CLTA: variants seen among roughly 807,000 people sequenced by gnomAD.
The protein encoded by CLTA is clathrin light chain A.
In CLTA, 9 loss-of-function variants were observed where a neutral mutation model predicts 26.9. The observed-to-expected ratio is 0.33, with a 90% CI of 0.20 to 0.58. CLTA has a LOEUF of 0.58. CLTA is among the 20% of genes least tolerant of loss of function. The pLI, the probability that CLTA is intolerant of heterozygous loss-of-function variation, is 0.85. For synonymous variants in CLTA, 120 were observed against 115.5 expected (o/e 1.04, Z -0.25); for missense variants, 278 against 294.2 (o/e 0.94, Z 0.40).
intron 3 of CLTA, among the ~76,000 whole-genome samples, chr9:36,203,112 C>T (rs1253824854): frequency 2.0e-5 from 3 of 152,196 alleles, no homozygotes; most frequent in Non-Finnish European, 2.9e-5. Context: ...GGATTACAGG[C>T]GTGAGCCACC....
intron 4 of CLTA, chr9:36,209,252 C>T (rs1563918300): frequency 6.2e-7 from 1 of 1,613,838 alleles, no homozygotes; most frequent in African/African-American, 1.3e-5. Context: ...GCCTTTTGGA[C>T]CTCTTGCTGT....
chr9:36,211,920 TC>T lies in CLTA; in HGVS notation c.*148del. ...TGTTCATTGTTTGTGATTGCATGTT[TC>T]CTTCCTTCAACTGTGTTCTCCCTGG... is the stretch of plus-strand genomic sequence containing the variant. On this transcript the variant is annotated 3_prime_UTR_variant, in exon 5 of 5. Transcript: ENST00000345519. The T allele has an allele frequency of 1.4e-6, 1 of 738,572 alleles. No individual in the cohort carries two copies. Among genetic ancestry groups the T allele is most frequent in the Non-Finnish European group, 2.3e-6 (1 of 441,536 alleles). The allele number at this position is 738,572 out of a possible 1,614,324, so 45.8% of individuals were successfully genotyped here. A position where few individuals can be genotyped will look rare whatever the true frequency, so the allele number is the denominator to read the frequency against.
At chr9:36,198,657 G>C (rs1442756581) in intron 2 of CLTA, among the ~76,000 whole-genome samples, 1 of 150,080 alleles carries the variant, frequency 6.7e-6, no homozygotes, top group Non-Finnish European at 1.5e-5. Flanking sequence ...CTCCAGTCTG[G>C]GTGACAGAGT....
rs1233539228 is a variant in CLTA at position 36,191,252 on chromosome 9, G to A, written c.196G>A (p.Gly66Ser). The A allele has an allele frequency of 6.5e-7, 1 of 1,530,868 alleles. No homozygotes were observed. 94.8% of individuals were successfully genotyped at this position (1,530,868 alleles called of 1,614,324 possible). Residue 66 changes from glycine (G) to serine (S), a missense_variant, in exon 1 of 5, where the codon GGC (glycine) becomes AGC (serine). By Grantham distance (56) the Gly-to-Ser change is moderately conservative. Transcript: ENST00000345519. ...CGGCGCCCCCGGGCCCCAGCCGCAC[G>A]GCGAGCCGCCGGGGGGTCCGGGTGA... The part of the protein sequence containing the change: ...DGGAPGPQPH[G>S]EPPGGPDAVD...
chr9:36,197,710 G>A, intron 2 of CLTA, 122 bp downstream of exon 2: 1 of 691,798 alleles, frequency 1.4e-6, no homozygotes, highest in Non-Finnish European at 2.5e-6. Context: ...ATTACTGGCT[G>A]GTGTGTTATC....
At chr9:36,190,894 G>T, upstream of CLTA, 1 of 1,284,380 alleles carries the variant, frequency 7.8e-7, no homozygotes, top group African/African-American at 1.6e-5. Context: ...ACACCGCCTA[G>T]ACCGACCGGA....
At chr9:36,191,335 C>A in intron 1 of CLTA, 62 bp downstream of exon 1, 1 of 1,437,448 alleles carries the variant, frequency 7.0e-7, no homozygotes, top group South Asian at 1.4e-5. Flanking sequence ...CACAGTGGGT[C>A]CGAGAGCTTC....
chr9:36,199,109 T>G lies in CLTA; in HGVS notation c.373+13T>G. On this transcript the variant is annotated intron_variant, in intron 3 of 4. Transcript: ENST00000345519. ...TTGGAAGCCCTTGGTAAGGAATCCCTTCTGTGTTTTGGTGTCTGTTTTCAG... is the reference window on the plus strand; with the variant it reads ...TTGGAAGCCCTTGGTAAGGAATCCCGTCTGTGTTTTGGTGTCTGTTTTCAG... 2 of 1,553,044 alleles carry G rather than the reference T, an allele frequency of 1.3e-6. No homozygotes were observed. Among genetic ancestry groups the G allele is most frequent in the African/African-American group, 2.7e-5 (2 of 73,744 alleles).
chr9:36,200,977 A>T (rs139000049), intron 3 of CLTA, among the ~76,000 whole-genome samples: 23 of 152,320 alleles, frequency 1.5e-4, no homozygotes, highest in African/African-American at 5.3e-4. Flanking sequence ...GTACTGCTGT[A>T]GTATTTTTCA....
chr9:36,192,759 C>G (rs1396057393), intron 1 of CLTA, among the ~76,000 whole-genome samples: 1 of 152,206 alleles, frequency 6.6e-6, no homozygotes, highest in Non-Finnish European at 1.5e-5. Context: ...AGCCCCAAGT[C>G]TACCCACTCT....
chr9:36,193,672 A>G (rs1826866671), intron 1 of CLTA, among the ~76,000 whole-genome samples: 1 of 152,216 alleles, frequency 6.6e-6, no homozygotes. Context: ...ACAGAGATAT[A>G]TAGGCAGTCA....
intron 1 of CLTA, among the ~76,000 whole-genome samples, chr9:36,196,007 G>A (rs1827007470): frequency 6.6e-6 from 1 of 151,942 alleles, no homozygotes; most frequent in African/African-American, 2.4e-5. Flanking sequence ...TGGGCGCAGT[G>A]GCTCATGCCT....
At chr9:36,209,140 G>C (rs1827894768) in intron 4 of CLTA, 1 of 1,156,068 alleles carries the variant, frequency 8.7e-7, no homozygotes, top group African/African-American at 1.5e-5. Flanking sequence ...GGGTTAGGAA[G>C]GAGCCTTGGG....
chr9:36,196,748 ACTT>A (rs577300158), intron 1 of CLTA, among the ~76,000 whole-genome samples: 1 of 152,320 alleles, frequency 6.6e-6, no homozygotes, highest in South Asian at 2.1e-4. Context: ...TATTTCCAAA[ACTT>A]TATAGAGTGC....
At chr9:36,210,504 C>T (rs1827979421) in intron 4 of CLTA, 1 of 1,532,512 alleles carries the variant, frequency 6.5e-7, no homozygotes, top group Non-Finnish European at 8.9e-7. Context: ...TGCACGTCCC[C>T]AAGCACAGAT....
chr9:36,199,304 C>T (rs1827259357), intron 3 of CLTA, among the ~76,000 whole-genome samples: 1 of 152,182 alleles, frequency 6.6e-6, no homozygotes, highest in South Asian at 2.1e-4. Context: ...CGGAGATCCC[C>T]AAGATCCTCT....
rs1261310017 is a variant in CLTA, at chr9:36,190,924, C to T, written c.-133C>T. ...ACCGGATACACGGGTAGGGCTTCCG[C>T]TTTACCCGTCTCCCTCCTGGCGCTT... On this transcript the variant is annotated 5_prime_UTR_variant, in exon 1 of 5. Transcript: ENST00000345519. 3 of 1,403,706 alleles carry T rather than the reference C, an allele frequency of 2.1e-6. No individual in the cohort carries two copies. The highest frequency in any genetic ancestry group is 4.5e-4 in the Middle Eastern group (2 of 4,420). The allele number at this position is 1,403,706 out of a possible 1,614,324, so 87.0% of individuals were successfully genotyped here. A position where few individuals can be genotyped will look rare whatever the true frequency, so the allele number is the denominator to read the frequency against.
chr9:36,205,461 G>A (rs943894137), intron 4 of CLTA, among the ~76,000 whole-genome samples: 2 of 152,248 alleles, frequency 1.3e-5, no homozygotes, highest in South Asian at 2.1e-4. Context: ...AGTTCAGATC[G>A]GTAAAGCCGA....
At chr9:36,203,712 A>G (rs958334049) in intron 3 of CLTA, among the ~76,000 whole-genome samples, 1 of 152,218 alleles carries the variant, frequency 6.6e-6, no homozygotes, top group Non-Finnish European at 1.5e-5. Flanking sequence ...GGTGCCCAGA[A>G]GGCTTTTTTC....
Sources: gnomAD v4.1 joint callset for allele counts (sites outside exome capture counted in the v4.1 genomes callset) on GRCh38, gnomAD v4.1.1 for gene constraint, MANE v1.5 for transcripts, NCBI Gene and HGNC (gene_info 2026-07-23, HGNC 2026-07-21) for gene names.